The following ENOX1 variants were observed in gnomAD, a reference collection of about 807,000 sequenced individuals.
The protein encoded by ENOX1 is candidate growth-related and time keeping constitutive hydroquinone (NADH) oxidase.
A neutral mutation model predicts 82.5 loss-of-function variants in ENOX1; 42 were observed. That is an observed-to-expected ratio of 0.51 (90% CI 0.40 to 0.66). The LOEUF (loss-of-function observed/expected upper bound fraction) is 0.66. Among genes scored for constraint, ENOX1 ranks in the 30% least tolerant of loss-of-function variants. The pLI is 0.00. For missense variants in ENOX1, 608 were observed against 811.6 expected, an observed-to-expected ratio of 0.75 and a Z score of 3.05; for synonymous variants, 271 against 282.2, an observed-to-expected ratio of 0.96 and a Z score of 0.40.
chr13:43,281,136 A>G (rs1288797092), intron 12 of ENOX1, among the ~76,000 whole-genome samples: 1 of 152,156 alleles, frequency 6.6e-6, no homozygotes, highest in African/African-American at 2.4e-5. Context: ...TATAGCAACT[A>G]CTGAACCTCT....
At chr13:43,749,486 C>T (rs1950197604) in intron 1 of ENOX1, among the ~76,000 whole-genome samples, 1 of 152,252 alleles carries the variant, frequency 6.6e-6, no homozygotes, top group African/African-American at 2.4e-5. Context: ...GGCTGGAGCT[C>T]ACCTTGGAGA....
At chr13:43,287,186 T>C (rs1015773837) in intron 12 of ENOX1, among the ~76,000 whole-genome samples, 3 of 152,168 alleles carry the variant, frequency 2.0e-5, no homozygotes, top group Non-Finnish European at 4.4e-5. Context: ...TAAAATAACA[T>C]GAAGGTGCTT....
chr13:43,480,031 G>A (rs973963976), intron 3 of ENOX1, among the ~76,000 whole-genome samples: 1 of 151,784 alleles, frequency 6.6e-6, no homozygotes, highest in Non-Finnish European at 1.5e-5. Context: ...CACCTCCCGG[G>A]TTCAAGCCAT....
At chr13:43,456,466 C>T (rs891525583) in intron 3 of ENOX1, among the ~76,000 whole-genome samples, 2 of 152,104 alleles carry the variant, frequency 1.3e-5, no homozygotes, top group African/African-American at 2.4e-5. Flanking sequence ...TGGCATCCCT[C>T]CGAGGTAACA....
At chr13:43,377,214 T>C (rs549789436) in intron 5 of ENOX1, among the ~76,000 whole-genome samples, 2 of 152,298 alleles carry the variant, frequency 1.3e-5, no homozygotes, top group South Asian at 4.2e-4. Context: ...GGGTTAGTTA[T>C]TGTGAGAGCG....
At chr13:43,733,553 T>C (rs2089457160) in intron 1 of ENOX1, among the ~76,000 whole-genome samples, 1 of 152,176 alleles carries the variant, frequency 6.6e-6, no homozygotes, top group African/African-American at 2.4e-5. Context: ...AGTTTTTCAA[T>C]ACACCAAAAG....
chr13:43,615,550 C>T (rs2082370446), intron 2 of ENOX1, among the ~76,000 whole-genome samples: 2 of 152,048 alleles, frequency 1.3e-5, no homozygotes, highest in South Asian at 4.2e-4. Context: ...AAACCTGGAA[C>T]CATGCCTGAT....
chr13:43,469,432 T>G (rs945540755), intron 3 of ENOX1, among the ~76,000 whole-genome samples: 2 of 152,008 alleles, frequency 1.3e-5, no homozygotes, highest in Non-Finnish European at 1.5e-5. Flanking sequence ...TTTCCTCTTA[T>G]GTATTTGTCA....
chr13:43,271,666 A>AAC (rs5803169), intron 12 of ENOX1, among the ~76,000 whole-genome samples: 3,516 of 150,004 alleles, frequency 0.023, 48 homozygotes, highest in African/African-American at 0.027. Flanking sequence ...CTTCTATTAA[A>AAC]ACACACACAC....
intron 14 of ENOX1, among the ~76,000 whole-genome samples, chr13:43,260,919 A>C (rs1426447555): frequency 5.3e-5 from 8 of 152,220 alleles, no homozygotes; most frequent in Non-Finnish European, 1.0e-4. Flanking sequence ...ATCTGTCGTT[A>C]ATATATCCAG....
At chr13:43,424,903 T>C (rs1469810046) in intron 3 of ENOX1, among the ~76,000 whole-genome samples, 1 of 152,090 alleles carries the variant, frequency 6.6e-6, no homozygotes, top group African/African-American at 2.4e-5. Context: ...CTGATGCAAA[T>C]GACTGCACAG....
chr13:43,616,145 T>A (rs2082429922), intron 2 of ENOX1, among the ~76,000 whole-genome samples: 1 of 72,130 alleles, frequency 1.4e-5, no homozygotes, highest in African/African-American at 4.8e-5. Flanking sequence ...TATCTAGATA[T>A]CTATATAGAT....
chr13:43,381,968 A>G (rs2052080352), intron 5 of ENOX1, among the ~76,000 whole-genome samples: 1 of 152,076 alleles, frequency 6.6e-6, no homozygotes. Flanking sequence ...CTAATTCTAC[A>G]CAAACTCTTC....
intron 11 of ENOX1, among the ~76,000 whole-genome samples, chr13:43,320,632 G>T (rs905790417): frequency 2.0e-5 from 3 of 152,056 alleles, no homozygotes; most frequent in Non-Finnish European, 4.4e-5. Context: ...TTGGGAAATT[G>T]ACAAGTTATT....
intron 1 of ENOX1, among the ~76,000 whole-genome samples, chr13:43,759,710 C>T (rs1417447432): frequency 6.6e-6 from 1 of 152,074 alleles, no homozygotes; most frequent in Non-Finnish European, 1.5e-5. Context: ...TTTTTTTCAT[C>T]ACCTTGGAAG....
At chr13:43,776,936 G>A (rs967948749) in intron 1 of ENOX1, among the ~76,000 whole-genome samples, 2 of 152,182 alleles carry the variant, frequency 1.3e-5, no homozygotes, top group Non-Finnish European at 2.9e-5. Flanking sequence ...GCAGCCTGCA[G>A]GGGTGAGCCC....
intron 1 of ENOX1, among the ~76,000 whole-genome samples, chr13:43,731,526 T>TG (rs977722519): frequency 3.3e-5 from 1 of 30,248 alleles, no homozygotes; most frequent in African/African-American, 6.4e-5. Context: ...GTCCTGTTTT[T>TG]GTTTTTTTTT....
At chr13:43,699,616 A>G (rs1309983808) in intron 1 of ENOX1, among the ~76,000 whole-genome samples, 2 of 152,234 alleles carry the variant, frequency 1.3e-5, no homozygotes, top group African/African-American at 4.8e-5. Flanking sequence ...CTAGGTTTGC[A>G]TACAGAGATT....
At chr13:43,454,081 G>A (rs961160296) in intron 3 of ENOX1, among the ~76,000 whole-genome samples, 1 of 152,110 alleles carries the variant, frequency 6.6e-6, no homozygotes, top group African/African-American at 2.4e-5. Flanking sequence ...GTCCATGTTG[G>A]TTTTATAATT....
Sources: allele counts gnomAD v4.1 joint callset (sites outside exome capture counted in the v4.1 genomes callset), GRCh38; gene constraint gnomAD v4.1.1; transcripts MANE v1.5; gene names NCBI Gene and HGNC (gene_info 2026-07-23, HGNC 2026-07-21).